FBXO40: variants seen among roughly 807,000 people sequenced by gnomAD.
FBXO40 encodes the protein F-box protein 40.
A neutral mutation model predicts 49.9 loss-of-function variants in FBXO40; 50 were observed. That is an observed-to-expected ratio of 1.00 (90% CI 0.80 to 1.27). FBXO40 has a LOEUF of 1.27. FBXO40 is among the 50% of genes most tolerant of loss of function. The pLI, the probability that FBXO40 is intolerant of heterozygous loss-of-function variation, is 0.00. For synonymous variants in FBXO40, 340 were observed against 320.2 expected (o/e 1.06, Z -0.66); for missense variants, 895 against 870.1 (o/e 1.03, Z -0.36).
chr3:121,596,778 A>C (rs944067421), intron 1 of FBXO40, among the ~76,000 whole-genome samples: 2 of 152,200 alleles, frequency 1.3e-5, no homozygotes, highest in African/African-American at 4.8e-5. Flanking sequence ...TCACCTTAAA[A>C]AAAAAAGCAG....
At chr3:121,618,921 T>A (rs544831813) in intron 1 of FBXO40, among the ~76,000 whole-genome samples, 92 of 152,172 alleles carry the variant, frequency 6.0e-4, no homozygotes, top group African/African-American at 1.6e-3. Context: ...AAATGTCTTT[T>A]TTTTTTTTTT....
chr3:121,604,162 G>T (rs548685675), intron 1 of FBXO40, among the ~76,000 whole-genome samples: 75 of 152,282 alleles, frequency 4.9e-4, no homozygotes, highest in Admixed American at 1.1e-3. Flanking sequence ...GCTGAGAAAC[G>T]TCATTGATGT....
intron 3 of FBXO40, among the ~76,000 whole-genome samples, 195 bp downstream of exon 3, chr3:121,623,538 T>C (rs1182771458): frequency 1.3e-5 from 2 of 152,192 alleles, no homozygotes; most frequent in African/African-American, 2.4e-5. Context: ...CACTTCTGAC[T>C]AATTTTTAAA....
intron 3 of FBXO40, among the ~76,000 whole-genome samples, chr3:121,624,264 A>G (rs1203310294): frequency 1.3e-5 from 2 of 152,150 alleles, no homozygotes; most frequent in Non-Finnish European, 2.9e-5. Flanking sequence ...TGCTGGGATT[A>G]TAGGTATGAG....
intron 1 of FBXO40, among the ~76,000 whole-genome samples, chr3:121,600,169 T>A (rs972319202): frequency 1.0e-4 from 15 of 146,746 alleles, no homozygotes; most frequent in African/African-American, 3.3e-4. Context: ...CAGCTAAGAC[T>A]ACAGGCATGT....
intron 1 of FBXO40, among the ~76,000 whole-genome samples, chr3:121,598,881 C>G (rs2048886311): frequency 1.3e-5 from 2 of 152,294 alleles, no homozygotes; most frequent in East Asian, 3.9e-4. Flanking sequence ...TTGCTGCCCC[C>G]TTGCCAGGTG....
chr3:121,623,644 G>C (rs899951386), intron 3 of FBXO40, among the ~76,000 whole-genome samples: 4 of 151,812 alleles, frequency 2.6e-5, no homozygotes, highest in African/African-American at 9.7e-5. Flanking sequence ...TGAAATTACA[G>C]GTGTGAGCCA....
chr3:121,596,324 T>G (rs1181783645), intron 1 of FBXO40, among the ~76,000 whole-genome samples: 2 of 152,190 alleles, frequency 1.3e-5, no homozygotes, highest in Admixed American at 1.3e-4. Context: ...AAAAAGCACG[T>G]GACTAGAGCC....
chr3:121,599,655 T>TAC (rs35027426), intron 1 of FBXO40, among the ~76,000 whole-genome samples: 5 of 127,686 alleles, frequency 3.9e-5, no homozygotes, highest in African/African-American at 9.0e-5. Flanking sequence ...TTGTAGTGCA[T>TAC]ACACACACAC....
At chr3:121,619,983 A>G (rs2049021274) in intron 1 of FBXO40, among the ~76,000 whole-genome samples, 2 of 152,226 alleles carry the variant, frequency 1.3e-5, no homozygotes, top group Admixed American at 6.5e-5. Context: ...GTCTCCATTC[A>G]GTCAACTTCT....
At chr3:121,593,597 T>C (rs1480533208) in intron 1 of FBXO40, 95 bp downstream of exon 1, 1 of 152,172 alleles carries the variant, frequency 6.6e-6, no homozygotes, top group Admixed American at 6.5e-5. Flanking sequence ...TTGTGTCCTG[T>C]GGAAGAGGAT....
chr3:121,611,759 C>T (rs1419472507), intron 1 of FBXO40, among the ~76,000 whole-genome samples: 1 of 152,236 alleles, frequency 6.6e-6, no homozygotes, highest in Admixed American at 6.5e-5. Context: ...GACAATACCC[C>T]GCTTTCAAGG....
intron 1 of FBXO40, among the ~76,000 whole-genome samples, chr3:121,611,642 G>T (rs573706753): frequency 6.6e-6 from 1 of 152,052 alleles, no homozygotes; most frequent in Non-Finnish European, 1.5e-5. Context: ...CAACTGCAAG[G>T]GGCTTTCCTC....
rs200154550 is a variant in FBXO40, at chr3:121,621,901, C to T, written c.472C>T (p.Pro158Ser). The T allele has an allele frequency of 2.5e-6, 4 of 1,614,074 alleles. No individual in the cohort carries two copies. The highest frequency in any genetic ancestry group is 1.6e-4 in the Middle Eastern group (1 of 6,062). Residue 158 changes from proline to serine, a missense_variant, in exon 3 of 4, where the codon CCA becomes TCA. Physicochemically the swap from Pro to Ser is moderately conservative, Grantham distance 74. Transcript: ENST00000338040. ...PETREATEEEPTMNGETSVEE... is the reference protein window; with the variant it reads ...PETREATEEESTMNGETSVEE... ...AACTAGAGAGGCTACTGAGGAGGAA[C>T]CAACTATGAATGGTGAAACCAGTGT...
At position 121,613,630 on chromosome 3, in the gene FBXO40, C is replaced by A. The variant is rs370527967; in HGVS notation, c.-30-6916C>A. Among the ~76,000 whole-genome samples the A allele has an allele frequency of 4.6e-5, 7 of 152,272 alleles. No homozygotes were observed. The East Asian group carries it at 1.2e-3, about 25-fold the overall frequency. On this transcript the variant is annotated intron_variant, in intron 1 of 3. Coordinates refer to ENST00000338040, the MANE Select transcript of FBXO40 (RefSeq NM_016298.4). ...TTTGCAAGGAAAGTCATAAAAGAGG[C>A]TTTTTTCTTAAAGGGCGTTTCTAAT...
intron 1 of FBXO40, among the ~76,000 whole-genome samples, chr3:121,609,499 G>A (rs1409402283): frequency 3.3e-5 from 5 of 151,924 alleles, no homozygotes; most frequent in Non-Finnish European, 7.4e-5. Context: ...CCTTGAGGGA[G>A]AACTGTCCAG....
chr3:121,612,995 G>T (rs1307825016), intron 1 of FBXO40, among the ~76,000 whole-genome samples: 1 of 151,740 alleles, frequency 6.6e-6, no homozygotes, highest in African/African-American at 2.4e-5. Context: ...GCGAGAACCC[G>T]GGAGGCGGAG....
chr3:121,626,269 C>T (rs950511275), intron 3 of FBXO40, among the ~76,000 whole-genome samples: 5 of 152,034 alleles, frequency 3.3e-5, no homozygotes, highest in Non-Finnish European at 5.9e-5. Flanking sequence ...TGATTGCTGG[C>T]ACCTCCTAGG....
At chr3:121,593,822 G>A (rs1327717705) in intron 1 of FBXO40, among the ~76,000 whole-genome samples, 1 of 152,066 alleles carries the variant, frequency 6.6e-6, no homozygotes, top group East Asian at 1.9e-4. Context: ...AAGTGGAGGA[G>A]GTGGTGAGGA....
Sources: gnomAD v4.1 joint callset for allele counts (sites outside exome capture counted in the v4.1 genomes callset) on GRCh38, gnomAD v4.1.1 for gene constraint, MANE v1.5 for transcripts, NCBI Gene and HGNC (gene_info 2026-07-23, HGNC 2026-07-21) for gene names.